MSI2: variants seen among roughly 807,000 people sequenced by gnomAD.
MSI2 encodes RNA-binding protein Musashi homolog 2.
MSI2 carries 17 observed loss-of-function variants against 45.6 expected under a neutral mutation model. That is an observed-to-expected ratio of 0.37 (90% CI 0.26 to 0.56). The LOEUF is 0.56. Among genes scored for constraint, MSI2 ranks in the 20% least tolerant of loss-of-function variants. The pLI is 0.77. For missense variants in MSI2, 293 were observed against 444.2 expected (o/e 0.66, Z 3.06); for synonymous variants, 156 against 158.2 (o/e 0.99, Z 0.11).
chr17:57,423,333 A>G (rs940044399), intron 6 of MSI2, among the ~76,000 whole-genome samples: 2 of 152,234 alleles, frequency 1.3e-5, no homozygotes, highest in Admixed American at 6.5e-5. Flanking sequence ...CACACACAGT[A>G]ATAGAAGAAG....
intron 5 of MSI2, among the ~76,000 whole-genome samples, chr17:57,290,516 G>A (rs1305736855): frequency 6.6e-6 from 1 of 152,134 alleles, no homozygotes; most frequent in Non-Finnish European, 1.5e-5. Flanking sequence ...TTGTTATGTT[G>A]CCCAGGTGGG....
At chr17:57,608,821 A>AG (rs1906933376) in intron 8 of MSI2, among the ~76,000 whole-genome samples, 1 of 152,198 alleles carries the variant, frequency 6.6e-6, no homozygotes, top group Non-Finnish European at 1.5e-5. Context: ...AAGTTCCTTG[A>AG]GGGTGGGTCT....
intron 3 of MSI2, 73 bp from the exon 4 acceptor site, chr17:57,258,197 G>A (rs1045431822): frequency 7.4e-7 from 1 of 1,349,688 alleles, no homozygotes; most frequent in African/African-American, 1.4e-5. Context: ...TTCAGCCTTA[G>A]GTCTCACTCC....
At chr17:57,400,780 A>G (rs1024477712) in intron 5 of MSI2, among the ~76,000 whole-genome samples, 1 of 151,970 alleles carries the variant, frequency 6.6e-6, no homozygotes, top group Admixed American at 6.6e-5. Context: ...AAGTGTAGGG[A>G]TCTGGGGATT....
chr17:57,469,363 A>G (rs1031159028), intron 6 of MSI2, among the ~76,000 whole-genome samples: 1 of 152,246 alleles, frequency 6.6e-6, no homozygotes, highest in African/African-American at 2.4e-5. Flanking sequence ...GGAGATTTAG[A>G]ACCCATCACA....
the MSI2 span, among the ~76,000 whole-genome samples, chr17:57,691,277 T>C: frequency 1.3e-5 from 2 of 152,078 alleles, no homozygotes; most frequent in South Asian, 4.2e-4. Context: ...TGTATCTTTA[T>C]ACTAAGTATT....
chr17:57,526,565 G>C (rs1385083073), intron 6 of MSI2, among the ~76,000 whole-genome samples: 1 of 152,018 alleles, frequency 6.6e-6, no homozygotes, highest in Non-Finnish European at 1.5e-5. Context: ...GTGAGAAACA[G>C]TCTCGTATGT....
intron 5 of MSI2, among the ~76,000 whole-genome samples, chr17:57,360,839 G>T (rs547773696): frequency 3.9e-5 from 6 of 152,332 alleles, no homozygotes; most frequent in South Asian, 4.1e-4. Context: ...TTGACCCTTT[G>T]TACCTGCGTA....
the MSI2 span, among the ~76,000 whole-genome samples, chr17:57,697,280 TCA>T: frequency 4.6e-5 from 7 of 150,882 alleles, no homozygotes; most frequent in African/African-American, 1.5e-4. Context: ...CTCACACCCC[TCA>T]CACACTCTAC....
At chr17:57,633,913 A>G (rs1441250940) in intron 10 of MSI2, among the ~76,000 whole-genome samples, 1 of 152,188 alleles carries the variant, frequency 6.6e-6, no homozygotes, top group Non-Finnish European at 1.5e-5. Flanking sequence ...ATCTGTCATC[A>G]GTGAAAGGAA....
At chr17:57,292,584 G>A (rs1046746563) in intron 5 of MSI2, among the ~76,000 whole-genome samples, 1 of 152,110 alleles carries the variant, frequency 6.6e-6, no homozygotes, top group Non-Finnish European at 1.5e-5. Flanking sequence ...TTGGTGGGGG[G>A]TCCCTCACCT....
At chr17:57,623,485 G>A (rs538731356) in intron 9 of MSI2, among the ~76,000 whole-genome samples, 13 of 152,298 alleles carry the variant, frequency 8.5e-5, no homozygotes, top group African/African-American at 3.1e-4. Flanking sequence ...CTCAAAATGA[G>A]CTCAGTGGCA....
intron 10 of MSI2, among the ~76,000 whole-genome samples, chr17:57,644,217 T>G (rs551391981): frequency 1.8e-4 from 27 of 151,414 alleles, no homozygotes; most frequent in Middle Eastern, 3.4e-3. Flanking sequence ...GTAAGTTGTT[T>G]TTTTTTTTTT....
rs550486499 is a variant in MSI2, at chr17:57,280,317, C to T, written c.312+18125C>T. The stretch of plus-strand genomic sequence containing the variant: ...GAAAATATCTCTCTGACAGTCTACA[C>T]GAAAAGTGGCTTGTGGGTACCCCAG... On this transcript the variant is annotated intron_variant, in intron 5 of 13. Coordinates refer to ENST00000284073, the MANE Select transcript of MSI2 (RefSeq NM_138962.4). The surrounding 1 kb of genome is among the most constrained non-coding windows in gnomAD (Gnocchi z 4.2). 9.2e-5 allele frequency among the ~76,000 whole-genome samples: 14 copies of T among 152,250 alleles called. No homozygotes were observed. The highest frequency in any genetic ancestry group is 2.6e-4 in the African/African-American group (11 of 41,550).
intron 11 of MSI2, among the ~76,000 whole-genome samples, chr17:57,655,109 C>T (rs1436929885): frequency 3.9e-5 from 6 of 151,958 alleles, no homozygotes; most frequent in Non-Finnish European, 5.9e-5. Flanking sequence ...CAGCCAACTC[C>T]TCTGGGCCAG....
At chr17:57,419,309 A>C (rs1427311293) in intron 6 of MSI2, among the ~76,000 whole-genome samples, 1 of 151,970 alleles carries the variant, frequency 6.6e-6, no homozygotes, top group Non-Finnish European at 1.5e-5. Flanking sequence ...AGTGACCCCC[A>C]AATTGGGCTG....
intron 5 of MSI2, among the ~76,000 whole-genome samples, chr17:57,363,480 A>G (rs1916971181): frequency 6.6e-6 from 1 of 152,212 alleles, no homozygotes; most frequent in Admixed American, 6.5e-5. Context: ...GCTCACGTCT[A>G]TAATCCCAGC....
the MSI2 span, among the ~76,000 whole-genome samples, chr17:57,697,811 A>G: frequency 6.6e-6 from 1 of 152,160 alleles, no homozygotes. Context: ...AACCGCCCCC[A>G]TGATTCAATT....
intron 6 of MSI2, among the ~76,000 whole-genome samples, chr17:57,511,559 C>A (rs1466411124): frequency 6.6e-6 from 1 of 152,134 alleles, no homozygotes; most frequent in Admixed American, 6.5e-5. Flanking sequence ...GGGTGTTGCC[C>A]TGGGGAGGCA....
Sources: allele counts gnomAD v4.1 joint callset (sites outside exome capture counted in the v4.1 genomes callset), GRCh38; gene constraint gnomAD v4.1.1; non-coding constraint Gnocchi (gnomAD v3.1); transcripts MANE v1.5; gene names NCBI Gene and HGNC (gene_info 2026-07-23, HGNC 2026-07-21).